NOTCH1: variants seen among roughly 807,000 people sequenced by gnomAD.
NOTCH1 encodes the protein notch receptor 1.
NOTCH1 carries 37 observed loss-of-function variants against 254.8 expected under a neutral mutation model. The observed-to-expected ratio is 0.15, with a 90% CI of 0.11 to 0.19. NOTCH1 has a LOEUF of 0.19. NOTCH1 is among the 10% of genes least tolerant of loss of function. The pLI, the probability that NOTCH1 is intolerant of heterozygous loss-of-function variation, is 1.00. For synonymous variants in NOTCH1, 1,731 were observed against 1,618.1 expected (o/e 1.07, Z -1.68); for missense variants, 2,972 against 3,708.6 (o/e 0.80, Z 5.16).
At chr9:136,509,273 CCT>C (rs1325147508) in intron 18 of NOTCH1, among the ~76,000 whole-genome samples, 6 of 152,224 alleles carry the variant, frequency 3.9e-5, no homozygotes, top group African/African-American at 1.2e-4. Flanking sequence ...ACCTCCCTCC[CCT>C]GCTTTCTTTA....
chr9:136,518,325 C>T, intron 6 of NOTCH1, 33 bp from the exon 7 acceptor site: 2 of 1,596,300 alleles, frequency 1.3e-6, no homozygotes, highest in South Asian at 2.2e-5. Context: ...TGGGCACGGC[C>T]CCTGGGCCAG....
At chr9:136,516,161 G>T in intron 9 of NOTCH1, 67 bp from the exon 10 acceptor site, 2 of 1,251,908 alleles carry the variant, frequency 1.6e-6, no homozygotes, top group Non-Finnish European at 2.3e-6. Flanking sequence ...GGGACCCCTG[G>T]CCAGACCCCA....
At chr9:136,532,553 C>G (rs1843578652) in intron 2 of NOTCH1, among the ~76,000 whole-genome samples, 1 of 152,194 alleles carries the variant, frequency 6.6e-6, no homozygotes, top group Admixed American at 6.5e-5. Context: ...ATGACACATC[C>G]CCGGGGGAGC....
Position 136,502,291 on chromosome 9 carries a change from C to T in NOTCH1, c.5365G>A (p.Glu1789Lys), listed in dbSNP as rs1198855127. ...GCTCACTTGAGGCCCACGGAGTCCT[C>T]GCCGAGGGGCTCCCGCCGCTTCTTC... ...SKKKRREPLG[E>K]DSVGLKPLKN... The change falls in exon 28 of 34, where the codon GAG becomes AAG. Residue 1789 changes from glutamate (E) to lysine (K), a missense_variant. By Grantham distance (56) the Glu-to-Lys change is moderately conservative. Coordinates refer to ENST00000651671, the MANE Select transcript of NOTCH1 (RefSeq NM_017617.5). 2.5e-6 allele frequency: 4 copies of T among 1,611,994 alleles called. No individual in the cohort carries two copies. The highest frequency in any genetic ancestry group is 1.3e-5 in the African/African-American group (1 of 74,900).
At position 136,543,288 on chromosome 9, in the gene NOTCH1, G is replaced by A. The variant is rs555750806; in HGVS notation, c.140+736C>T. 5.2e-4 allele frequency: 111 copies of A among 211,498 alleles called. 1 individual carries two copies. Among genetic ancestry groups the A allele is most frequent in the South Asian group, 4.1e-3 (83 of 20,390 alleles). 13.1% of individuals were successfully genotyped at this position (211,498 alleles called of 1,614,324 possible). Reference sequence around the variant, plus strand: ...CCTGTGCCTAGAGGAGGCATCACCCGCCTAGAGGAGGTATCACCACCCAGA... The same window carrying A: ...CCTGTGCCTAGAGGAGGCATCACCCACCTAGAGGAGGTATCACCACCCAGA... On this transcript the variant is annotated intron_variant, in intron 2 of 33. Coordinates refer to ENST00000651671, the MANE Select transcript of NOTCH1 (RefSeq NM_017617.5).
At position 136,505,001 on chromosome 9, in the gene NOTCH1, G is replaced by A. The variant is rs2133337396; in HGVS notation, c.4690C>T (p.His1564Tyr). The A allele has an allele frequency of 6.2e-7, 1 of 1,600,948 alleles. No homozygotes were observed. The highest frequency in any genetic ancestry group is 8.5e-7 in the Non-Finnish European group (1 of 1,174,960). The change falls in exon 26 of 34, where the codon CAT (histidine) becomes TAT (tyrosine). Residue 1564 changes from histidine (H) to tyrosine (Y), a missense_variant. Around this residue, in one of 8 missense-constraint regions of NOTCH1, gnomAD observed 1,343 missense variants for 1,557.0 expected, o/e 0.86. Coordinates refer to ENST00000651671, the MANE Select transcript of NOTCH1 (RefSeq NM_017617.5). ...CCGGCCGCCAGCCTCTCGGGTACAT[G>A]CTCCGCACAGTCCAGCCCGTCCCAC... is the stretch of plus-strand genomic sequence containing the variant. ...CEWDGLDCAE[H>Y]VPERLAAGTL...
At position 136,505,594 on chromosome 9, in the gene NOTCH1, A is replaced by C. The variant is rs1478918738; in HGVS notation, c.4302T>G (p.Gly1434=). 1 of 1,608,588 alleles carries C rather than the reference A, an allele frequency of 6.2e-7. No homozygotes were observed. The highest frequency in any genetic ancestry group is 1.1e-5 in the South Asian group (1 of 90,966). ...LCHILDYSFG[G]GAGRDIPPPL... is the part of the protein sequence containing the mutation. Reference sequence around the variant, plus strand: ...GCGGGGGGATGTCGCGCCCGGCCCCACCCCCGAAGCTGTAGTCCAGGATGT... The same window carrying C: ...GCGGGGGGATGTCGCGCCCGGCCCCCCCCCCGAAGCTGTAGTCCAGGATGT... The change falls in exon 25 of 34, where the codon GGT becomes GGG. Residue 1434 remains glycine, a synonymous_variant. Coordinates refer to ENST00000651671, the MANE Select transcript of NOTCH1 (RefSeq NM_017617.5).
Position 136,517,882 on chromosome 9 carries a change from C to T in NOTCH1, c.1311G>A (p.Glu437=), listed in dbSNP as rs2133368823. 5.6e-6 allele frequency: 9 copies of T among 1,612,342 alleles called. No individual in the cohort carries two copies. Among genetic ancestry groups the T allele is most frequent in the Admixed American group, 3.3e-5 (2 of 60,014 alleles). The change falls in exon 8 of 34, where the codon GAG becomes GAA. Residue 437 remains glutamate, a synonymous_variant. Transcript: ENST00000651671. ...GKCINTLGSF[E]CQCLQGYTGP... ...CCGTGTAGCCCTGCAGACACTGGCA[C>T]TCGAAGGAGCCCAGCGTGTTGATGC...
rs777902922 is a variant in NOTCH1 at position 136,496,946 on chromosome 9, C to A, written c.6793G>T (p.Ala2265Ser). The A allele has an allele frequency of 6.2e-7, 1 of 1,611,326 alleles. No individual in the cohort carries two copies. Among genetic ancestry groups the A allele is most frequent in the African/African-American group, 1.3e-5 (1 of 75,006 alleles). Reference sequence around the variant, plus strand: ...AGACGAGGTGGGCCAGTCTCAAAGGCCAGCCGGCCGCCCCCACCCAGCGCC... The same window carrying A: ...AGACGAGGTGGGCCAGTCTCAAAGGACAGCCGGCCGCCCCCACCCAGCGCC... Reference protein sequence around the residue: ...MAALGGGGRLAFETGPPRLSH... With the variant: ...MAALGGGGRLSFETGPPRLSH... Residue 2265 changes from alanine to serine, a missense_variant, in exon 34 of 34, where the codon GCC (alanine) becomes TCC (serine). Transcript: ENST00000651671.
Position 136,540,019 on chromosome 9 carries a change from G to C in NOTCH1, c.140+4005C>G, listed in dbSNP as rs1843708869. On this transcript the variant is annotated intron_variant, in intron 2 of 33. Coordinates refer to ENST00000651671, the MANE Select transcript of NOTCH1 (RefSeq NM_017617.5). The surrounding 1 kb of genome is among the most constrained non-coding windows in gnomAD (Gnocchi z 4.4). ...GACATTCGCTTGGGAGAAGGAGAGGGGCAGGGCTAGTAGGAATTCTGCCAC... is the reference window on the plus strand; with the variant it reads ...GACATTCGCTTGGGAGAAGGAGAGGCGCAGGGCTAGTAGGAATTCTGCCAC... Among the ~76,000 whole-genome samples the C allele has an allele frequency of 6.6e-6, 1 of 152,218 alleles. No homozygotes were observed. Among genetic ancestry groups the C allele is most frequent in the Admixed American group, 6.5e-5 (1 of 15,290 alleles).
Position 136,496,653 on chromosome 9 carries a change from C to G in NOTCH1, c.7086G>C (p.Met2362Ile). ...TGCTGGGCAGGCCCTGGTAGCTCAT[C>G]ATCTGGGACAGGGCGCTGGCAGCAA... ...SSLAASALSQ[M>I]MSYQGLPSTR... Residue 2362 changes from methionine (M) to isoleucine (I), a missense_variant, in exon 34 of 34, where the codon ATG (methionine) becomes ATC (isoleucine). Transcript: ENST00000651671. 1.2e-6 allele frequency: 2 copies of G among 1,613,110 alleles called. No individual in the cohort carries two copies. The highest frequency in any genetic ancestry group is 1.7e-6 in the Non-Finnish European group (2 of 1,179,970).
chr9:136,527,043 G>A (rs563522711), intron 2 of NOTCH1, among the ~76,000 whole-genome samples: 1 of 152,346 alleles, frequency 6.6e-6, no homozygotes, highest in East Asian at 1.9e-4. Flanking sequence ...GCGCTAGCTG[G>A]GGGGAACCGG....
In NOTCH1 at chr9:136,514,635, C is replaced by T. The variant is rs772803664; in HGVS notation, c.2082G>A (p.Glu694=). The T allele has an allele frequency of 2.5e-6, 4 of 1,612,162 alleles. No individual in the cohort carries two copies. In the Admixed American group the frequency reaches 5.0e-5, roughly 20 times the overall value. The change falls in exon 13 of 34, where the codon GAG becomes GAA. Residue 694 remains glutamate, a synonymous_variant. Transcript: ENST00000651671. ...GGCAGGTGAAGCCATTGATGCCGTC[C>T]TCGCAGGTGCCCCCGTTGTGGCAGG... ...GNPCHNGGTC[E]DGINGFTCRC... is the part of the protein sequence containing the mutation.
chr9:136,498,098 C>G (rs1842944942), intron 33 of NOTCH1, among the ~76,000 whole-genome samples: 2 of 152,156 alleles, frequency 1.3e-5, no homozygotes, highest in South Asian at 4.1e-4. Flanking sequence ...CCCTCTGGGG[C>G]CCAGTCTCTG....
rs12348325 is a variant in NOTCH1 at position 136,542,515 on chromosome 9, C to G, written c.140+1509G>C. Among the ~76,000 whole-genome samples the G allele has an allele frequency of 1.6e-3, 222 of 138,280 alleles. 2 individuals are homozygous for G. The highest frequency in any genetic ancestry group is 5.9e-3 in the African/African-American group (212 of 36,188). The allele number at this position is 138,280 out of a possible 152,430, so 90.7% of individuals were successfully genotyped here. A position where few individuals can be genotyped will look rare whatever the true frequency, so the allele number is the denominator to read the frequency against. On this transcript the variant is annotated intron_variant, in intron 2 of 33. Coordinates refer to ENST00000651671, the MANE Select transcript of NOTCH1 (RefSeq NM_017617.5). ...AGGGCATCAAGCGTCCGTGCGGCTT[C>G]TGCAGAGGGAGAAGGGGGCCCCAAA... is the stretch of plus-strand genomic sequence containing the variant.
At chr9:136,525,914 C>T (rs776411557) in intron 2 of NOTCH1, among the ~76,000 whole-genome samples, 3 of 152,258 alleles carry the variant, frequency 2.0e-5, no homozygotes, top group South Asian at 2.1e-4. Flanking sequence ...CCACTCTGGC[C>T]GACCATCTGT....
rs1387718303 is a variant in NOTCH1 at position 136,495,050 on chromosome 9, G to A, written c.*1021C>T. The A allele has an allele frequency of 5.5e-5, 22 of 398,910 alleles. No homozygotes were observed. The East Asian group carries it at 7.8e-4, about 14-fold the overall frequency. 24.7% of individuals were successfully genotyped at this position (398,910 alleles called of 1,614,324 possible). A position where few individuals can be genotyped will look rare whatever the true frequency, so the allele number is the denominator to read the frequency against. On this transcript the variant is annotated 3_prime_UTR_variant, in exon 34 of 34. Transcript: ENST00000651671. ...AAAACACGGGAGCCCACGGGGGGTC[G>A]GGTCCCGCGAGCTGGGGCCCAGGCT...
chr9:136,499,122 T>A lies in NOTCH1; in HGVS notation c.6072A>T (p.Val2024=), dbSNP rs1842959494. ...LINSHADVNA[V]DDLGKSALHW... ...CCCCCGTGGGCTCACCCAGGTCATCTACGGCGTTGACGTCGGCGTGTGAGT... is the reference window on the plus strand; with the variant it reads ...CCCCCGTGGGCTCACCCAGGTCATCAACGGCGTTGACGTCGGCGTGTGAGT... The change falls in exon 32 of 34, where the codon GTA becomes GTT. Residue 2024 remains valine, a synonymous_variant. Coordinates refer to ENST00000651671, the MANE Select transcript of NOTCH1 (RefSeq NM_017617.5). 7.4e-6 allele frequency: 12 copies of A among 1,613,188 alleles called. No individual in the cohort carries two copies. Among genetic ancestry groups the A allele is most frequent in the Non-Finnish European group, 1.0e-5 (12 of 1,179,984 alleles).
chr9:136,523,779 C>A lies in NOTCH1; in HGVS notation c.341G>T (p.Gly114Val), dbSNP rs2133379096. The A allele has an allele frequency of 6.2e-7, 1 of 1,611,868 alleles. No homozygotes were observed. The highest frequency in any genetic ancestry group is 8.5e-7 in the Non-Finnish European group (1 of 1,179,680). ...CAGCGTGAGCAGGTCGCAGGTGCCC[C>A]CGTTGCGGCAGGGGTTGGTGAGGCA... is the stretch of plus-strand genomic sequence containing the variant. The part of the protein sequence containing the change: ...NACLTNPCRN[G>V]GTCDLLTLTE... Residue 114 changes from glycine (G) to valine (V), a missense_variant, in exon 3 of 34, where the codon GGG (glycine) becomes GTG (valine). Coordinates refer to ENST00000651671, the MANE Select transcript of NOTCH1 (RefSeq NM_017617.5).
Sources: gnomAD v4.1 joint callset for allele counts (sites outside exome capture counted in the v4.1 genomes callset) on GRCh38, gnomAD v4.1.1 for gene constraint, gnomAD v4.1.1 regional missense constraint, Gnocchi (gnomAD v3.1) non-coding constraint, MANE v1.5 for transcripts, NCBI Gene and HGNC (gene_info 2026-07-23, HGNC 2026-07-21) for gene names.